ITPKB: variants seen among roughly 807,000 people sequenced by gnomAD.
The protein encoded by ITPKB is IP3 3-kinase B.
In ITPKB, 13 loss-of-function variants were observed where a neutral mutation model predicts 69.4. The ratio of observed to expected loss-of-function variants is 0.19; its 90% CI spans 0.12 to 0.30. The LOEUF is 0.30. ITPKB is among the 10% of genes least tolerant of loss of function. The pLI, the probability that ITPKB is intolerant of heterozygous loss-of-function variation, is 1.00. For missense variants in ITPKB, 1,240 were observed against 1,250.5 expected (o/e 0.99, Z 0.13); for synonymous variants, 584 against 513.7 (o/e 1.14, Z -1.85).
chr1:226,692,221 C>T (rs1389756874), intron 2 of ITPKB, among the ~76,000 whole-genome samples: 1 of 152,134 alleles, frequency 6.6e-6, no homozygotes, highest in Non-Finnish European at 1.5e-5. Context: ...CTTTCCATTA[C>T]ACTAGGCTGC....
chr1:226,675,175 G>C (rs1322314560), intron 2 of ITPKB: 1 of 149,716 alleles, frequency 6.7e-6, no homozygotes, highest in Non-Finnish European at 1.5e-5. Context: ...GTTGTCAGAA[G>C]GGGATACTCT....
Position 226,735,690 on chromosome 1 carries a change from C to A in ITPKB, c.1769G>T (p.Arg590Leu), listed in dbSNP as rs774932416. 3 of 1,601,066 alleles carry A rather than the reference C, an allele frequency of 1.9e-6. No individual in the cohort carries two copies. Among genetic ancestry groups the A allele is most frequent in the Non-Finnish European group, 2.6e-6 (3 of 1,172,934 alleles). ...GALEETQGSP[R>L]GNLPLRKLSS... ...CAGTTTCCTCAGGGGCAGGTTGCCC[C>A]GAGGGCTTCCCTGCGTCTCCTCCAA... Residue 590 changes from arginine to leucine, a missense_variant, in exon 2 of 8, where the codon CGG becomes CTG. Transcript: ENST00000429204.
intron 2 of ITPKB, among the ~76,000 whole-genome samples, chr1:226,719,951 A>C (rs1195160211): frequency 6.6e-6 from 1 of 152,194 alleles, no homozygotes; most frequent in Non-Finnish European, 1.5e-5. Context: ...TTCTGCTATC[A>C]GGGGCTTATT....
chr1:226,724,887 A>C (rs115844826), intron 2 of ITPKB, among the ~76,000 whole-genome samples: 1,574 of 152,298 alleles, frequency 0.01, 22 homozygotes, highest in African/African-American at 0.036. Flanking sequence ...CAAATCAAGT[A>C]CTGGGGCAGG....
At chr1:226,737,707 CG>C in intron 1 of ITPKB, 44 bp from the exon 2 acceptor site, 3 of 629,180 alleles carry the variant, frequency 4.8e-6, no homozygotes, top group Non-Finnish European at 6.1e-6. Context: ...GGAGGGCGCG[CG>C]GGGGGAGTTG....
In ITPKB at chr1:226,642,936, T is replaced by A. The variant is rs910573517; in HGVS notation, c.2247-811A>T. Among the ~76,000 whole-genome samples the A allele has an allele frequency of 5.9e-5, 9 of 151,762 alleles. No individual in the cohort carries two copies. The highest frequency in any genetic ancestry group is 1.2e-4 in the African/African-American group (5 of 41,266). Reference sequence around the variant, plus strand: ...GGTCAGAAAGTGGCCTTGGAAGGGGTCCCAGTGTGGATGGAGAAGGCCGTA... The same window carrying A: ...GGTCAGAAAGTGGCCTTGGAAGGGGACCCAGTGTGGATGGAGAAGGCCGTA... On this transcript the variant is annotated intron_variant, in intron 4 of 7. Coordinates refer to ENST00000429204, the MANE Select transcript of ITPKB (RefSeq NM_002221.4). This position sits in a 1 kb window ranked among gnomAD's most constrained non-coding sequence, Gnocchi z 6.4.
intron 2 of ITPKB, chr1:226,707,994 AAC>A: frequency 4.7e-6 from 4 of 851,758 alleles, no homozygotes; most frequent in Non-Finnish European, 6.6e-6. Flanking sequence ...AAAATATGGA[AAC>A]TACCCACCAA....
intron 2 of ITPKB, among the ~76,000 whole-genome samples, chr1:226,679,029 G>A (rs903735066): frequency 6.6e-6 from 1 of 152,222 alleles, no homozygotes; most frequent in Non-Finnish European, 1.5e-5. Flanking sequence ...CTCAGGCTAG[G>A]GGAGTCCCTG....
intron 2 of ITPKB, chr1:226,707,664 A>C: frequency 9.8e-7 from 1 of 1,015,996 alleles, no homozygotes; most frequent in East Asian, 1.1e-4. Flanking sequence ...ATCACAAGGA[A>C]ACATGTAGAG....
chr1:226,708,472 T>A (rs924466663), intron 2 of ITPKB, among the ~76,000 whole-genome samples: 5 of 152,176 alleles, frequency 3.3e-5, no homozygotes, highest in Admixed American at 6.5e-5. Context: ...CACGAGTAAC[T>A]CGAGACATTC....
At chr1:226,680,761 A>T (rs1346912110) in intron 2 of ITPKB, among the ~76,000 whole-genome samples, 1 of 152,108 alleles carries the variant, frequency 6.6e-6, no homozygotes, top group Non-Finnish European at 1.5e-5. Flanking sequence ...GACATTTTAA[A>T]CGCTTTTTCT....
chr1:226,658,950 T>C (rs1439953250), intron 2 of ITPKB, among the ~76,000 whole-genome samples: 2 of 152,008 alleles, frequency 1.3e-5, no homozygotes, highest in Non-Finnish European at 2.9e-5. Flanking sequence ...GAGCGCTCTG[T>C]CCCCTCCACA....
intron 2 of ITPKB, among the ~76,000 whole-genome samples, chr1:226,657,688 T>C (rs1485937747): frequency 1.3e-5 from 2 of 152,244 alleles, no homozygotes; most frequent in Non-Finnish European, 2.9e-5. Context: ...AACACTGATA[T>C]TGTTGTCTCC....
At chr1:226,648,932 A>T (rs1423090414) in intron 2 of ITPKB, among the ~76,000 whole-genome samples, 161 bp from the exon 3 acceptor site, 1 of 152,182 alleles carries the variant, frequency 6.6e-6, no homozygotes, top group Non-Finnish European at 1.5e-5. Flanking sequence ...TATGCGGCAC[A>T]TGGTGGGAGG....
chr1:226,674,182 A>G (rs1056167047), intron 2 of ITPKB, among the ~76,000 whole-genome samples: 2 of 152,074 alleles, frequency 1.3e-5, no homozygotes, highest in African/African-American at 4.8e-5. Flanking sequence ...AGCAATTACA[A>G]ATATTTTTTA....
chr1:226,731,553 C>CA (rs1252651780), intron 2 of ITPKB, among the ~76,000 whole-genome samples: 1 of 152,194 alleles, frequency 6.6e-6, no homozygotes, highest in African/African-American at 2.4e-5. Context: ...ATTACATAGT[C>CA]ACAGACAGAA....
intron 2 of ITPKB, among the ~76,000 whole-genome samples, chr1:226,650,811 C>A (rs1669174636): frequency 6.6e-6 from 1 of 152,206 alleles, no homozygotes; most frequent in South Asian, 2.1e-4. Context: ...TGCACTGTTT[C>A]ACAGTCCCTC....
At chr1:226,647,084 G>C (rs75535154) in intron 4 of ITPKB, 83 bp downstream of exon 4, 2 of 1,293,122 alleles carry the variant, frequency 1.5e-6, no homozygotes, top group East Asian at 2.4e-5. Context: ...TGAGGCCTCC[G>C]GGAAGCCCTG....
intron 2 of ITPKB, among the ~76,000 whole-genome samples, chr1:226,715,959 C>T (rs940617657): frequency 9.7e-4 from 147 of 152,150 alleles, no homozygotes; most frequent in Non-Finnish European, 2.8e-4. Flanking sequence ...TACAGGTGCC[C>T]GTCATAATGC....
Sources: gnomAD v4.1 joint callset for allele counts (sites outside exome capture counted in the v4.1 genomes callset) on GRCh38, gnomAD v4.1.1 for gene constraint, Gnocchi (gnomAD v3.1) non-coding constraint, MANE v1.5 for transcripts, NCBI Gene and HGNC (gene_info 2026-07-23, HGNC 2026-07-21) for gene names.